Variants in SYT17 observed in about 807,000 individuals in gnomAD.
The protein encoded by SYT17 is synaptotagmin 17.
In SYT17, 22 loss-of-function variants were observed where a neutral mutation model predicts 46.7. That is an observed-to-expected ratio of 0.47 (90% CI 0.34 to 0.67). The LOEUF is 0.67. Among genes scored for constraint, SYT17 ranks in the 30% least tolerant of loss-of-function variants. The pLI is 0.01. For missense variants in SYT17, 519 were observed against 612.8 expected, an observed-to-expected ratio of 0.85 and a Z score of 1.62; for synonymous variants, 251 against 248.4, an observed-to-expected ratio of 1.01 and a Z score of -0.10.
chr16:19,190,414 C>T (rs911678595), intron 5 of SYT17, among the ~76,000 whole-genome samples: 2 of 152,134 alleles, frequency 1.3e-5, no homozygotes, highest in Admixed American at 6.6e-5. Context: ...TGGGAAAATA[C>T]ACACACCATG....
intron 7 of SYT17, among the ~76,000 whole-genome samples, chr16:19,260,384 C>A (rs181011993): frequency 2.4e-3 from 338 of 141,864 alleles, no homozygotes; most frequent in Non-Finnish European, 4.1e-3. Flanking sequence ...GTGGTGTGCA[C>A]CTGTGGTCCC....
intron 5 of SYT17, among the ~76,000 whole-genome samples, chr16:19,219,567 G>A (rs1479484979): frequency 6.6e-6 from 1 of 152,122 alleles, no homozygotes; most frequent in Non-Finnish European, 1.5e-5. Context: ...ACTGCATTGA[G>A]GCGGAACTTA....
chr16:19,241,166 C>T (rs1434573150), intron 7 of SYT17, among the ~76,000 whole-genome samples: 2 of 151,804 alleles, frequency 1.3e-5, no homozygotes, highest in Non-Finnish European at 2.9e-5. Context: ...CCGGGATGGT[C>T]TCGATCTCCT....
chr16:19,175,059 G>A (rs1357307716), intron 3 of SYT17, among the ~76,000 whole-genome samples: 2 of 151,978 alleles, frequency 1.3e-5, no homozygotes, highest in South Asian at 2.1e-4. Flanking sequence ...AGCCTAGGAG[G>A]TTGAGGCTAC....
intron 5 of SYT17, among the ~76,000 whole-genome samples, chr16:19,187,755 A>G (rs1245137457): frequency 6.6e-6 from 1 of 152,226 alleles, no homozygotes. Flanking sequence ...ACTGATCATT[A>G]GAGAAATGCA....
chr16:19,176,453 T>C (rs1217092568), intron 3 of SYT17, among the ~76,000 whole-genome samples: 1 of 152,158 alleles, frequency 6.6e-6, no homozygotes, highest in Non-Finnish European at 1.5e-5. Context: ...AAGGACCAAA[T>C]AATAAATATA....
intron 7 of SYT17, among the ~76,000 whole-genome samples, chr16:19,225,525 G>A (rs1966469497): frequency 6.6e-6 from 1 of 152,126 alleles, no homozygotes; most frequent in Admixed American, 6.5e-5. Flanking sequence ...AGTCCCTGTG[G>A]GTCAGAAATT....
chr16:19,198,181 A>T (rs1965326617), intron 5 of SYT17, among the ~76,000 whole-genome samples: 1 of 152,236 alleles, frequency 6.6e-6, no homozygotes, highest in Admixed American at 6.5e-5. Context: ...TTGTATATGA[A>T]ATTGACCAGT....
chr16:19,196,243 AT>A (rs35656867), intron 5 of SYT17, among the ~76,000 whole-genome samples: 218 of 144,780 alleles, frequency 1.5e-3, no homozygotes, highest in Non-Finnish European at 1.4e-3. Flanking sequence ...CGATAGAAGA[AT>A]TTTTTTTTTT....
At position 19,168,264 on chromosome 16, in the gene SYT17, C is replaced by T; in HGVS notation, c.-383C>T. The T allele has an allele frequency of 4.7e-6, 1 of 210,672 alleles. No individual in the cohort carries two copies. The highest frequency in any genetic ancestry group is 9.4e-6 in the Non-Finnish European group (1 of 105,928). 13.1% of individuals were successfully genotyped at this position (210,672 alleles called of 1,614,324 possible). ...CGCGCTCCGGCCCCGGCGTCTCCGG[C>T]CCCGCCTGCGCTGGGGTCGCTGCAG... On this transcript the variant is annotated 5_prime_UTR_variant, in exon 1 of 8. Transcript: ENST00000355377. The surrounding 1 kb of genome is among the most constrained non-coding windows in gnomAD (Gnocchi z 6.9).
At chr16:19,208,881 C>CTT (rs1567213098) in intron 5 of SYT17, among the ~76,000 whole-genome samples, 3 of 54,454 alleles carry the variant, frequency 5.5e-5, no homozygotes, top group African/African-American at 2.4e-4. Flanking sequence ...CTACAAGGAC[C>CTT]TTCTTTTTTT....
intron 7 of SYT17, among the ~76,000 whole-genome samples, chr16:19,236,153 A>G (rs999065843): frequency 5.9e-5 from 9 of 152,164 alleles, no homozygotes; most frequent in Non-Finnish European, 1.0e-4. Flanking sequence ...TTAGCAATTC[A>G]TGAGGAAGCT....
chr16:19,263,854 G>A (rs1450161446), intron 7 of SYT17, among the ~76,000 whole-genome samples: 2 of 152,140 alleles, frequency 1.3e-5, no homozygotes, highest in Non-Finnish European at 2.9e-5. Context: ...TAGCAGATAT[G>A]TGAGGCTTTG....
intron 5 of SYT17, among the ~76,000 whole-genome samples, chr16:19,190,367 G>A (rs556525878): frequency 2.4e-4 from 36 of 152,140 alleles, no homozygotes; most frequent in South Asian, 4.2e-4. Context: ...GTGAAACTCC[G>A]TCTCGAAATT....
intron 3 of SYT17, among the ~76,000 whole-genome samples, chr16:19,178,153 G>A (rs1234630088): frequency 2.0e-5 from 3 of 151,372 alleles, no homozygotes; most frequent in East Asian, 1.9e-4. Flanking sequence ...GTGCAATCTC[G>A]CTCACTGCAA....
chr16:19,219,355 T>C (rs1966213334), intron 5 of SYT17, among the ~76,000 whole-genome samples: 1 of 20,400 alleles, frequency 4.9e-5, no homozygotes, highest in African/African-American at 4.3e-4. Context: ...TGAGCCGAGA[T>C]TGCGCCACTG....
intron 5 of SYT17, among the ~76,000 whole-genome samples, chr16:19,216,872 T>C (rs779669123): frequency 1.5e-4 from 23 of 152,240 alleles, no homozygotes; most frequent in Non-Finnish European, 2.6e-4. Flanking sequence ...AGTAGAATGA[T>C]TTATAATCCT....
chr16:19,198,860 T>C (rs1472501017), intron 5 of SYT17, among the ~76,000 whole-genome samples: 1 of 152,242 alleles, frequency 6.6e-6, no homozygotes, highest in African/African-American at 2.4e-5. Flanking sequence ...TACATTGAAG[T>C]CTTCCTAGCC....
chr16:19,227,620 T>C (rs1006510198), intron 7 of SYT17, among the ~76,000 whole-genome samples: 1 of 152,108 alleles, frequency 6.6e-6, no homozygotes. Context: ...CCTGGCCTAA[T>C]GTCTTCCTTT....
Sources: allele counts gnomAD v4.1 joint callset (sites outside exome capture counted in the v4.1 genomes callset), GRCh38; gene constraint gnomAD v4.1.1; non-coding constraint Gnocchi (gnomAD v3.1); transcripts MANE v1.5; gene names NCBI Gene and HGNC (gene_info 2026-07-23, HGNC 2026-07-21).